The following RBFOX1 variants were observed in gnomAD, a reference collection of about 807,000 sequenced individuals.
RBFOX1 encodes the protein RNA binding protein fox-1 homolog 1.
Under a neutral mutation model 57.7 loss-of-function variants are expected in RBFOX1, and 8 were observed. The ratio of observed to expected loss-of-function variants is 0.14; its 90% CI spans 0.08 to 0.25. RBFOX1 has a LOEUF of 0.25. RBFOX1 is among the 10% of genes least tolerant of loss of function. The pLI, the probability that RBFOX1 is intolerant of heterozygous loss-of-function variation, is 1.00. For synonymous variants in RBFOX1, 326 were observed against 222.4 expected, an observed-to-expected ratio of 1.47 and a Z score of -4.15; for missense variants, 611 against 548.5, an observed-to-expected ratio of 1.11 and a Z score of -1.14.
chr16:6,279,156 T>G (rs961934571), intron 1 of RBFOX1, among the ~76,000 whole-genome samples: 7 of 152,168 alleles, frequency 4.6e-5, no homozygotes, highest in Non-Finnish European at 7.4e-5. Context: ...TTTATGGGTA[T>G]TATAAAACAT....
intron 10 of RBFOX1, among the ~76,000 whole-genome samples, chr16:7,626,829 G>A (rs539941699): frequency 2.0e-5 from 3 of 152,300 alleles, no homozygotes; most frequent in Non-Finnish European, 4.4e-5. Context: ...TTTTAAAAAT[G>A]TATTATAATT....
chr16:7,416,382 T>C (rs1431641100), intron 4 of RBFOX1, among the ~76,000 whole-genome samples: 1 of 152,206 alleles, frequency 6.6e-6, no homozygotes, highest in Non-Finnish European at 1.5e-5. Flanking sequence ...TTATTCCCTG[T>C]AGTTCTTCTC....
intron 4 of RBFOX1, among the ~76,000 whole-genome samples, chr16:7,467,740 T>C (rs369367078): frequency 2.0e-5 from 3 of 152,358 alleles, no homozygotes; most frequent in African/African-American, 7.2e-5. Context: ...TATCTTCCCA[T>C]GGTGCACATG....
intron 4 of RBFOX1, among the ~76,000 whole-genome samples, chr16:7,166,810 C>G (rs1401745224): frequency 6.6e-6 from 1 of 151,934 alleles, no homozygotes; most frequent in African/African-American, 2.4e-5. Context: ...CTGCTCCAAC[C>G]CATGCGGCAT....
Position 5,424,974 on chromosome 16 carries a change from C to CTTTCCTTTTCT in RBFOX1, c.220-42238_220-42237insCTTTTCTTTTC, listed in dbSNP as rs2067493569. Among the ~76,000 whole-genome samples the CTTTCCTTTTCT allele has an allele frequency of 2.8e-5, 2 of 70,628 alleles. 1 individual carries two copies. Among genetic ancestry groups the CTTTCCTTTTCT allele is most frequent in the African/African-American group, 1.2e-4 (2 of 16,446 alleles). 46.3% of individuals were successfully genotyped at this position (70,628 alleles called of 152,430 possible). A position where few individuals can be genotyped will look rare whatever the true frequency, so the allele number is the denominator to read the frequency against. On this transcript the variant is annotated intron_variant, in intron 1 of 2. Transcript: ENST00000585867. ...TTCCTTTGTTTCTTTCTCTTTCTTT[C>CTTTCCTTTTCT]TTTCTTTTCTTTTCTTTTCTTTTCT...
At chr16:6,633,719 G>C (rs986691666) in intron 2 of RBFOX1, among the ~76,000 whole-genome samples, 10 of 152,114 alleles carry the variant, frequency 6.6e-5, no homozygotes, top group Admixed American at 6.6e-4. Flanking sequence ...CTTTGGAATC[G>C]AGGCTCTAGC....
At chr16:6,036,693 C>G (rs143543825) in intron 1 of RBFOX1, among the ~76,000 whole-genome samples, 10 of 152,262 alleles carry the variant, frequency 6.6e-5, no homozygotes, top group African/African-American at 2.4e-4. Flanking sequence ...ACAAATACAA[C>G]ACGTCTCCTA....
At chr16:6,708,305 C>CAG (rs773816899) in intron 3 of RBFOX1, among the ~76,000 whole-genome samples, 2 of 96,260 alleles carry the variant, frequency 2.1e-5, no homozygotes, top group Non-Finnish European at 5.0e-5. Flanking sequence ...CACACACACA[C>CAG]TCACACTCAT....
chr16:5,270,246 T>G (rs558852819), intron 1 of RBFOX1: 173 of 552,280 alleles, frequency 3.1e-4, no homozygotes, highest in African/African-American at 3.1e-3. Flanking sequence ...ACTTGATCCA[T>G]TTTCTAAGAA....
chr16:6,827,722 A>G (rs1167931010), intron 3 of RBFOX1, among the ~76,000 whole-genome samples: 1 of 152,128 alleles, frequency 6.6e-6, no homozygotes, highest in Non-Finnish European at 1.5e-5. Context: ...TTGTTTGCCC[A>G]TGCTGATCCC....
At chr16:6,368,101 CTCT>C (rs1205486235) in intron 2 of RBFOX1, among the ~76,000 whole-genome samples, 1 of 152,194 alleles carries the variant, frequency 6.6e-6, no homozygotes, top group Admixed American at 6.5e-5. Context: ...TGTACCCTTC[CTCT>C]TCTTCTCTTT....
chr16:7,069,600 G>T (rs2056898131), intron 4 of RBFOX1, among the ~76,000 whole-genome samples: 2 of 152,152 alleles, frequency 1.3e-5, no homozygotes, highest in South Asian at 4.1e-4. Context: ...CACGGCCTGG[G>T]TAAGCAAGAA....
chr16:7,354,570 C>G (rs548927409), intron 4 of RBFOX1, among the ~76,000 whole-genome samples: 1 of 152,254 alleles, frequency 6.6e-6, no homozygotes, highest in Non-Finnish European at 1.5e-5. Flanking sequence ...TTTCAAAGGC[C>G]ACCAATGTGA....
At chr16:6,128,553 C>A (rs757988528) in intron 1 of RBFOX1, among the ~76,000 whole-genome samples, 1 of 152,212 alleles carries the variant, frequency 6.6e-6, no homozygotes, top group African/African-American at 2.4e-5. Context: ...TGGTGCCAAG[C>A]ACTGTGACGT....
At chr16:7,231,260 G>A (rs904191143) in intron 4 of RBFOX1, among the ~76,000 whole-genome samples, 9 of 152,146 alleles carry the variant, frequency 5.9e-5, no homozygotes, top group African/African-American at 2.2e-4. Flanking sequence ...AAGAAATAAG[G>A]GAGGGCTTGG....
At chr16:5,809,757 G>C (rs1297067971) in intron 3 of RBFOX1, among the ~76,000 whole-genome samples, 2 of 152,186 alleles carry the variant, frequency 1.3e-5, no homozygotes, top group Admixed American at 6.5e-5. Context: ...CATTGTGGAA[G>C]TCAGTGTGGC....
chr16:6,601,436 G>A (rs1398217250), intron 2 of RBFOX1, among the ~76,000 whole-genome samples: 3 of 152,008 alleles, frequency 2.0e-5, no homozygotes, highest in Non-Finnish European at 4.4e-5. Flanking sequence ...TCCTAAAATC[G>A]GTGTTTGTCA....
intron 4 of RBFOX1, among the ~76,000 whole-genome samples, chr16:5,933,529 G>T (rs2059110266): frequency 6.6e-6 from 1 of 152,226 alleles, no homozygotes; most frequent in East Asian, 1.9e-4. Flanking sequence ...GGATGCTCCT[G>T]CAGGGAAAAG....
In RBFOX1 at chr16:7,193,389, C is replaced by G. The variant is rs1195335331; in HGVS notation, c.27+141291C>G. 2.6e-5 allele frequency among the ~76,000 whole-genome samples: 4 copies of G among 152,216 alleles called. No homozygotes were observed. The East Asian group carries it at 5.8e-4, about 22-fold the overall frequency. ...TGCCCCACAAACTCCTTAATTGTAG[C>G]TGGATGAGACCTGCATCAGATTTCT... is the stretch of plus-strand genomic sequence containing the variant. On this transcript the variant is annotated intron_variant, in intron 4 of 15. Transcript: ENST00000550418.
Sources: allele counts gnomAD v4.1 joint callset (sites outside exome capture counted in the v4.1 genomes callset), GRCh38; gene constraint gnomAD v4.1.1; transcripts MANE v1.5; gene names NCBI Gene and HGNC (gene_info 2026-07-23, HGNC 2026-07-21).